The following DLGAP2 variants were observed in gnomAD, a reference collection of about 807,000 sequenced individuals.
DLGAP2 encodes the protein DLG associated protein 2, also known as disks large-associated protein 2.
Under a neutral mutation model 100.3 loss-of-function variants are expected in DLGAP2, and 26 were observed. The ratio of observed to expected loss-of-function variants is 0.26; its 90% CI spans 0.19 to 0.36. The LOEUF (loss-of-function observed/expected upper bound fraction) is 0.36. Ranked by LOEUF, DLGAP2 falls within the 10% of genes least tolerant of loss-of-function variation. The pLI, the probability that DLGAP2 is intolerant of heterozygous loss-of-function variation, is 1.00. For missense variants in DLGAP2, 1,858 were observed against 1,453.2 expected (o/e 1.28, Z -4.53); for synonymous variants, 886 against 630.1 (o/e 1.41, Z -6.08).
At chr8:1,342,658 T>G (rs1205139188) in intron 3 of DLGAP2, among the ~76,000 whole-genome samples, 1 of 152,232 alleles carries the variant, frequency 6.6e-6, no homozygotes, top group Non-Finnish European at 1.5e-5. Flanking sequence ...ATGCTGAATT[T>G]TCTGTTATTT....
At chr8:820,927 A>G (rs1203465903) in intron 1 of DLGAP2, among the ~76,000 whole-genome samples, 2 of 152,196 alleles carry the variant, frequency 1.3e-5, no homozygotes, top group Non-Finnish European at 2.9e-5. Context: ...GGAAGTGGAT[A>G]AGTCTTGAAG....
chr8:781,337 C>G (rs1199893376), intron 1 of DLGAP2, among the ~76,000 whole-genome samples: 1 of 151,990 alleles, frequency 6.6e-6, no homozygotes, highest in Non-Finnish European at 1.5e-5. Context: ...TCTTGAACTT[C>G]TTAATAATGA....
At chr8:1,148,685 G>C (rs1181409045) in intron 2 of DLGAP2, among the ~76,000 whole-genome samples, 1 of 151,974 alleles carries the variant, frequency 6.6e-6, no homozygotes, top group Non-Finnish European at 1.5e-5. Context: ...AAATATTTTA[G>C]AAGTATATTT....
At chr8:816,539 A>G (rs535355006) in intron 1 of DLGAP2, among the ~76,000 whole-genome samples, 3 of 152,318 alleles carry the variant, frequency 2.0e-5, no homozygotes, top group Admixed American at 1.3e-4. Context: ...TAAGGAGGCT[A>G]AAAATAGTAC....
At chr8:1,316,780 C>A (rs1203635172) in intron 3 of DLGAP2, among the ~76,000 whole-genome samples, 1 of 144,590 alleles carries the variant, frequency 6.9e-6, no homozygotes, top group South Asian at 2.3e-4. Flanking sequence ...AGCGTCTCTC[C>A]CACAGTGGTC....
At chr8:1,635,213 T>C (rs1797739213) in intron 8 of DLGAP2, among the ~76,000 whole-genome samples, 1 of 152,212 alleles carries the variant, frequency 6.6e-6, no homozygotes, top group Admixed American at 6.5e-5. Context: ...TGACATGCAA[T>C]ATAGTCTATT....
chr8:1,669,328 GA>G (rs1303887465), intron 9 of DLGAP2, among the ~76,000 whole-genome samples: 1 of 152,212 alleles, frequency 6.6e-6, no homozygotes, highest in Non-Finnish European at 1.5e-5. Flanking sequence ...CGTGAATGGA[GA>G]GCTCTGGCCG....
chr8:1,516,232 T>G (rs1388647190), intron 4 of DLGAP2, among the ~76,000 whole-genome samples: 1 of 150,322 alleles, frequency 6.7e-6, no homozygotes, highest in Admixed American at 6.6e-5. Context: ...AGTGAATGAG[T>G]GAGTTACTGA....
chr8:1,232,738 C>T (rs796229704), intron 2 of DLGAP2, among the ~76,000 whole-genome samples: 7 of 152,340 alleles, frequency 4.6e-5, no homozygotes, highest in African/African-American at 1.7e-4. Context: ...TCTGAGGCCA[C>T]TCACTCATTC....
rs575394548 is a variant in DLGAP2, at chr8:1,582,120, G to A, written c.1442+16226G>A. Among the ~76,000 whole-genome samples, 4 of 147,620 alleles carry A rather than the reference G, an allele frequency of 2.7e-5. No individual in the cohort carries two copies. In the South Asian group the frequency reaches 8.7e-4, roughly 32 times the overall value. On this transcript the variant is annotated intron_variant, in intron 6 of 14. Coordinates refer to ENST00000637795, the MANE Select transcript of DLGAP2 (RefSeq NM_001346810.2). ...ACACACCACAGTCAAACTACCAGAA[G>A]TGAAGGATACAGATAAAACCCCACA...
intron 3 of DLGAP2, among the ~76,000 whole-genome samples, chr8:1,476,816 G>T (rs1264906701): frequency 6.8e-6 from 1 of 148,040 alleles, no homozygotes; most frequent in East Asian, 2.0e-4. Context: ...TGATGGCTGA[G>T]TGCTGTCGGC....
intron 2 of DLGAP2, among the ~76,000 whole-genome samples, chr8:1,226,907 G>T (rs893520619): frequency 7.0e-4 from 107 of 151,872 alleles, no homozygotes; most frequent in African/African-American, 2.5e-3. Context: ...CCACACTTCA[G>T]CAGGAAAGTA....
chr8:744,685 C>T (rs548488981), intron 1 of DLGAP2, among the ~76,000 whole-genome samples: 16 of 151,974 alleles, frequency 1.1e-4, no homozygotes, highest in African/African-American at 3.6e-4. Context: ...TCTCCGGCCA[C>T]GTCGCCCTCC....
At position 1,162,848 on chromosome 8, in the gene DLGAP2, C is replaced by T. The variant is rs1796918158; in HGVS notation, c.74-96003C>T. Among the ~76,000 whole-genome samples, 5 of 152,202 alleles carry T rather than the reference C, an allele frequency of 3.3e-5. 1 individual carries two copies. The stretch of plus-strand genomic sequence containing the variant: ...GAGGTCCCCTGGGTGCTGCTGTGGG[C>T]AGATGCTAGCCCCGGCACGGGGGCA... On this transcript the variant is annotated intron_variant, in intron 2 of 14. Coordinates refer to ENST00000637795, the MANE Select transcript of DLGAP2 (RefSeq NM_001346810.2).
chr8:1,415,139 C>A (rs899919894), intron 3 of DLGAP2, among the ~76,000 whole-genome samples: 5 of 152,222 alleles, frequency 3.3e-5, no homozygotes, highest in African/African-American at 1.2e-4. Context: ...AACAGGTACA[C>A]ACATGCGTAC....
intron 6 of DLGAP2, among the ~76,000 whole-genome samples, chr8:1,613,393 G>A (rs1337371938): frequency 6.6e-5 from 10 of 151,970 alleles, no homozygotes; most frequent in African/African-American, 2.4e-4. Flanking sequence ...GGACTGTGGT[G>A]GGGTGGGGGG....
intron 2 of DLGAP2, among the ~76,000 whole-genome samples, chr8:911,651 T>C (rs1798487588): frequency 6.6e-6 from 1 of 152,020 alleles, no homozygotes; most frequent in Admixed American, 6.6e-5. Context: ...GGAAGGATGC[T>C]GGAGAATGTT....
chr8:1,036,050 C>T (rs1802110146), intron 2 of DLGAP2, among the ~76,000 whole-genome samples: 2 of 125,450 alleles, frequency 1.6e-5, no homozygotes, highest in African/African-American at 2.8e-5. Context: ...ACGCTCATCC[C>T]GACCCCGCGT....
chr8:960,522 A>C lies in DLGAP2; in HGVS notation c.73+52556A>C, dbSNP rs1172605944. Among the ~76,000 whole-genome samples, 3 of 152,160 alleles carry C rather than the reference A, an allele frequency of 2.0e-5. No individual in the cohort carries two copies. The East Asian group carries it at 5.8e-4, about 29-fold the overall frequency. On this transcript the variant is annotated intron_variant, in intron 2 of 14. Transcript: ENST00000637795. ...AGTGCTGGGATTACAAGCATGGGCC[A>C]CCACTCCCGGCCCTGAATTGTATCT... is the stretch of plus-strand genomic sequence containing the variant.
Sources: gnomAD v4.1 joint callset for allele counts (sites outside exome capture counted in the v4.1 genomes callset) on GRCh38, gnomAD v4.1.1 for gene constraint, MANE v1.5 for transcripts, NCBI Gene and HGNC (gene_info 2026-07-23, HGNC 2026-07-21) for gene names.